Variants in CPB2 observed in about 807,000 individuals in gnomAD.
CPB2 encodes the protein carboxypeptidase B-like protein.
A neutral mutation model predicts 57.0 loss-of-function variants in CPB2; 54 were observed. That is an observed-to-expected ratio of 0.95 (90% CI 0.76 to 1.19). The LOEUF is 1.19. Among genes scored for constraint, CPB2 ranks in the 50% most tolerant of loss-of-function variants. CPB2 has a pLI of 0.00. For missense variants in CPB2, 426 were observed against 512.0 expected (o/e 0.83, Z 1.62); for synonymous variants, 189 against 178.1 (o/e 1.06, Z -0.49).
At chr13:46,078,999 CTG>C in intron 4 of CPB2, 98 bp from the exon 5 acceptor site, 2 of 736,564 alleles carry the variant, frequency 2.7e-6, no homozygotes, top group Middle Eastern at 2.3e-4. Flanking sequence ...AGGAAAACCT[CTG>C]TATGTGGAAT....
intron 3 of CPB2, 41 bp downstream of exon 3, chr13:46,084,178 T>C: frequency 6.2e-7 from 1 of 1,607,682 alleles, no homozygotes. Context: ...GCATAGTAAG[T>C]GTTTATAATA....
chr13:46,082,763 A>G (rs910694876), intron 3 of CPB2, among the ~76,000 whole-genome samples: 3 of 152,218 alleles, frequency 2.0e-5, no homozygotes, highest in African/African-American at 7.2e-5. Flanking sequence ...GAGAAAAAGT[A>G]GCTCCTATTA....
intron 1 of CPB2, among the ~76,000 whole-genome samples, chr13:46,090,537 A>G (rs1291001225): frequency 1.3e-5 from 2 of 148,546 alleles, no homozygotes; most frequent in Non-Finnish European, 3.0e-5. Flanking sequence ...TAATTTTTGT[A>G]TTTTTTAGTA....
At chr13:46,087,886 G>A (rs2045234709) in intron 1 of CPB2, 66 bp from the exon 2 acceptor site, 5 of 1,091,998 alleles carry the variant, frequency 4.6e-6, no homozygotes, top group Non-Finnish European at 6.8e-6. Flanking sequence ...ATATTATACT[G>A]TGAGGAGCTT....
intron 1 of CPB2, among the ~76,000 whole-genome samples, chr13:46,091,068 G>A (rs1028843659): frequency 4.6e-5 from 7 of 152,214 alleles, no homozygotes; most frequent in Non-Finnish European, 8.8e-5. Flanking sequence ...TTGCCTTTTC[G>A]TTAGTAAATG....
chr13:46,100,755 GCCA>G (rs1332623004), intron 1 of CPB2: 1 of 152,134 alleles, frequency 6.6e-6, no homozygotes, highest in Middle Eastern at 3.1e-3. Flanking sequence ...ATCCAATAGG[GCCA>G]CCTAAAGGGA....
intron 6 of CPB2, chr13:46,073,575 C>T: frequency 3.1e-6 from 1 of 320,572 alleles, no homozygotes; most frequent in Non-Finnish European, 4.0e-6. Context: ...GTCCTTTCCT[C>T]TACTTAGTAA....
chr13:46,066,643 G>A (rs183209902), intron 7 of CPB2, among the ~76,000 whole-genome samples: 6 of 152,196 alleles, frequency 3.9e-5, no homozygotes, highest in Admixed American at 3.9e-4. Flanking sequence ...AGGAGTTTGA[G>A]ACCAGCCTGG....
chr13:46,092,407 G>C (rs1440256317), intron 1 of CPB2, among the ~76,000 whole-genome samples: 1 of 152,148 alleles, frequency 6.6e-6, no homozygotes, highest in Non-Finnish European at 1.5e-5. Context: ...AATACATCAT[G>C]ATAATATAAA....
chr13:46,104,557 A>AG (rs967722400), intron 1 of CPB2, among the ~76,000 whole-genome samples: 60 of 152,220 alleles, frequency 3.9e-4, no homozygotes, highest in Non-Finnish European at 8.4e-4. Flanking sequence ...TCCATGTACA[A>AG]GGGGAAAATA....
rs569074228 is a variant in CPB2, at chr13:46,055,854, A to G, written c.1000-5T>C. On this transcript the variant is annotated splice_polypyrimidine_tract_variant and splice_region_variant and intron_variant, in intron 9 of 10. Transcript: ENST00000181383. ...TGCTTCACTGGCTACTAGAGACTGG[A>G]AGCAACAAGATATAGAATTTCAGTT... 3 of 1,537,110 alleles carry G rather than the reference A, an allele frequency of 2.0e-6. No individual in the cohort carries two copies. In the Admixed American group the frequency reaches 5.3e-5, roughly 27 times the overall value.
chr13:46,067,406 G>A lies in CPB2; in HGVS notation c.603C>T (p.Phe201=), dbSNP rs753325825. 17 of 1,539,624 alleles carry A rather than the reference G, an allele frequency of 1.1e-5. No homozygotes were observed. Among genetic ancestry groups the A allele is most frequent in the Non-Finnish European group, 1.5e-5 (17 of 1,115,830 alleles). ...CLWFIGHITQ[F]YGIIGQYTNL... is the part of the protein sequence containing the mutation. Reference sequence around the variant, plus strand: ...TGGTATATTGCCCTATTATCCCATAGAATTGAGTTATCTGCAAATTAAACC... The same window carrying A: ...TGGTATATTGCCCTATTATCCCATAAAATTGAGTTATCTGCAAATTAAACC... The change falls in exon 7 of 11, where the codon TTC becomes TTT. Residue 201 remains phenylalanine, a synonymous_variant. Transcript: ENST00000181383.
intron 6 of CPB2, among the ~76,000 whole-genome samples, chr13:46,070,372 G>A (rs1456696492): frequency 1.3e-5 from 2 of 152,130 alleles, no homozygotes; most frequent in East Asian, 3.8e-4. Flanking sequence ...AAATTGAGAA[G>A]CCTCTGTATA....
Position 46,053,530 on chromosome 13 carries a change from CTT to C in CPB2, c.*82_*83del, listed in dbSNP as rs1250542835. The C allele has an allele frequency of 7.8e-6, 12 of 1,529,834 alleles. No homozygotes were observed. The Admixed American group carries it at 8.3e-5, about 11-fold the overall frequency. 94.8% of individuals were successfully genotyped at this position (1,529,834 alleles called of 1,614,324 possible). A position where few individuals can be genotyped will look rare whatever the true frequency, so the allele number is the denominator to read the frequency against. On this transcript the variant is annotated 3_prime_UTR_variant, in exon 11 of 11. Coordinates refer to ENST00000181383, the MANE Select transcript of CPB2 (RefSeq NM_001872.5). ...TCTTTTATCAAAACTACGGATAAAA[CTT>C]AAAAATAATTTGATACAATGATTTG...
At position 46,060,338 on chromosome 13, in the gene CPB2, T is replaced by C. The variant is rs145013535; in HGVS notation, c.797-1957A>G. 2.6e-3 allele frequency among the ~76,000 whole-genome samples: 398 copies of C among 151,796 alleles called. 12 individuals carry two copies. The East Asian group carries it at 0.044, about 17-fold the overall frequency. ...ATAGCCAGGCATAGTGGTGCACGCC[T>C]GTAATCCCAGCTACTTGGGAGGCTG... On this transcript the variant is annotated intron_variant, in intron 8 of 10. Transcript: ENST00000181383.
intron 8 of CPB2, 120 bp from the exon 9 acceptor site, chr13:46,058,501 T>C (rs2044728635): frequency 1.3e-5 from 10 of 775,364 alleles, no homozygotes; most frequent in South Asian, 1.2e-4. Flanking sequence ...ATGGATTAGG[T>C]AGGGCTCTGC....
intron 1 of CPB2, among the ~76,000 whole-genome samples, chr13:46,094,068 A>G (rs978552665): frequency 3.3e-5 from 5 of 152,212 alleles, no homozygotes; most frequent in Non-Finnish European, 5.9e-5. Flanking sequence ...TGAAAAAGCC[A>G]CTAACAAGCT....
At chr13:46,098,005 T>C (rs530504243) in intron 1 of CPB2, among the ~76,000 whole-genome samples, 21 of 152,302 alleles carry the variant, frequency 1.4e-4, no homozygotes, top group African/African-American at 4.6e-4. Context: ...TTTCTAGCCA[T>C]GCAGGAAGGG....
chr13:46,059,245 A>G (rs1321414215), intron 8 of CPB2, among the ~76,000 whole-genome samples: 2 of 152,160 alleles, frequency 1.3e-5, no homozygotes, highest in African/African-American at 4.8e-5. Flanking sequence ...GCCACATCTC[A>G]TGTAATTCTT....
Sources: allele counts gnomAD v4.1 joint callset (sites outside exome capture counted in the v4.1 genomes callset), GRCh38; gene constraint gnomAD v4.1.1; transcripts MANE v1.5; gene names NCBI Gene and HGNC (gene_info 2026-07-23, HGNC 2026-07-21).